Variants in ATP8B4 observed in about 807,000 individuals in gnomAD.
The protein encoded by ATP8B4 is ATPase phospholipid transporting 8B4 (putative).
In ATP8B4, 133 loss-of-function variants were observed where a neutral mutation model predicts 145.6. The ratio of observed to expected loss-of-function variants is 0.91; its 90% CI spans 0.79 to 1.05. The LOEUF is 1.05. Ranked by LOEUF, ATP8B4 falls within the 50% of genes least tolerant of loss-of-function variation. ATP8B4 has a pLI of 0.00. For missense variants in ATP8B4, 1,458 were observed against 1,425.2 expected (o/e 1.02, Z -0.37); for synonymous variants, 507 against 492.9 (o/e 1.03, Z -0.38).
At chr15:50,134,925 C>T (rs1185514459) in intron 1 of ATP8B4, among the ~76,000 whole-genome samples, 1 of 143,466 alleles carries the variant, frequency 7.0e-6, no homozygotes, top group Admixed American at 7.0e-5. Context: ...AAGTAGAGAA[C>T]ATTTCAAGCT....
intron 20 of ATP8B4, among the ~76,000 whole-genome samples, chr15:49,916,283 C>A (rs983535360): frequency 6.6e-6 from 1 of 152,092 alleles, no homozygotes; most frequent in Non-Finnish European, 1.5e-5. Flanking sequence ...TAATGTCTGT[C>A]CACTGCTACC....
intron 8 of ATP8B4, among the ~76,000 whole-genome samples, chr15:50,001,023 T>C (rs944484762): frequency 1.3e-5 from 2 of 152,062 alleles, no homozygotes; most frequent in African/African-American, 4.8e-5. Context: ...CAAATTTCCA[T>C]GGTTCATGCA....
In ATP8B4 at chr15:49,970,398, T is replaced by C. The variant is rs569400051; in HGVS notation, c.1243+2184A>G. 1.6e-4 allele frequency among the ~76,000 whole-genome samples: 24 copies of C among 152,284 alleles called. No homozygotes were observed. The South Asian group carries it at 4.6e-3, about 29-fold the overall frequency. On this transcript the variant is annotated intron_variant, in intron 13 of 27. Coordinates refer to ENST00000284509, the MANE Select transcript of ATP8B4 (RefSeq NM_024837.4). The stretch of plus-strand genomic sequence containing the variant: ...CCATCGTCTCAGCCTCAAATCCCCT[T>C]AAGCTGATAAGCAACTTCAGCAAAG...
chr15:49,985,905 C>T lies in ATP8B4; in HGVS notation c.748+1486G>A, dbSNP rs577536194. Reference sequence around the variant, plus strand: ...TACAGCAGAAAAAAAGTAAAGCTTCCGAAGTTTAAGTAACCAAAGCTTACA... The same window carrying T: ...TACAGCAGAAAAAAAGTAAAGCTTCTGAAGTTTAAGTAACCAAAGCTTACA... On this transcript the variant is annotated intron_variant, in intron 10 of 27. Coordinates refer to ENST00000284509, the MANE Select transcript of ATP8B4 (RefSeq NM_024837.4). Among the ~76,000 whole-genome samples the T allele has an allele frequency of 3.8e-4, 58 of 151,976 alleles. 1 individual carries two copies. The South Asian group carries it at 0.01, about 27-fold the overall frequency.
At chr15:50,155,669 T>G (rs1190035235) in intron 1 of ATP8B4, among the ~76,000 whole-genome samples, 1 of 152,140 alleles carries the variant, frequency 6.6e-6, no homozygotes, top group Non-Finnish European at 1.5e-5. Flanking sequence ...TTTTACCATG[T>G]AGACACAACA....
At chr15:50,026,677 C>T (rs1035809386) in intron 6 of ATP8B4, among the ~76,000 whole-genome samples, 5 of 152,178 alleles carry the variant, frequency 3.3e-5, no homozygotes, top group African/African-American at 9.7e-5. Context: ...AAACTCAAGT[C>T]CTTGGTCCTC....
chr15:50,130,170 G>A (rs2057336431), intron 1 of ATP8B4, among the ~76,000 whole-genome samples: 1 of 152,020 alleles, frequency 6.6e-6, no homozygotes, highest in Non-Finnish European at 1.5e-5. Context: ...CATCTTTCAG[G>A]TCTTAACTGC....
chr15:49,936,984 G>T (rs1005337736), intron 14 of ATP8B4, among the ~76,000 whole-genome samples: 1 of 151,266 alleles, frequency 6.6e-6, no homozygotes, highest in African/African-American at 2.4e-5. Flanking sequence ...AGAGCATCTT[G>T]TTCTTGTTTC....
chr15:50,037,877 A>G (rs1338303295), intron 6 of ATP8B4, among the ~76,000 whole-genome samples: 1 of 152,242 alleles, frequency 6.6e-6, no homozygotes, highest in Non-Finnish European at 1.5e-5. Context: ...TCAATATTTT[A>G]GTTATAGAGA....
At chr15:49,964,767 C>T (rs2044376949) in intron 13 of ATP8B4, among the ~76,000 whole-genome samples, 2 of 152,064 alleles carry the variant, frequency 1.3e-5, no homozygotes, top group South Asian at 4.2e-4. Flanking sequence ...AGAGCCTTCT[C>T]CAAAAATAGG....
At chr15:49,899,778 A>G (rs1210943994) in intron 21 of ATP8B4, among the ~76,000 whole-genome samples, 1 of 152,160 alleles carries the variant, frequency 6.6e-6, no homozygotes, top group Non-Finnish European at 1.5e-5. Context: ...AGAAAGAAAA[A>G]GCTTTCTGAC....
rs202128343 is a variant in ATP8B4, at chr15:49,973,932, C to T, written c.1035-1142G>A. 1.3e-4 allele frequency among the ~76,000 whole-genome samples: 20 copies of T among 152,204 alleles called. 1 individual carries two copies. In the East Asian group the frequency reaches 3.7e-3, roughly 28 times the overall value. Reference sequence around the variant, plus strand: ...ATTTTATTGGCCAGTGACATTTCTTCTTGGAACTATCTAATTGTATCTGCC... The same window carrying T: ...ATTTTATTGGCCAGTGACATTTCTTTTTGGAACTATCTAATTGTATCTGCC... On this transcript the variant is annotated intron_variant, in intron 12 of 27. Transcript: ENST00000284509.
At chr15:50,173,098 G>A (rs1461488191) in intron 1 of ATP8B4, among the ~76,000 whole-genome samples, 11 of 142,022 alleles carry the variant, frequency 7.7e-5, no homozygotes, top group South Asian at 4.6e-4. Flanking sequence ...CCGCCCAGCC[G>A]CCGCCCCGTC....
chr15:50,112,594 G>C (rs2153672564), intron 1 of ATP8B4, among the ~76,000 whole-genome samples: 1 of 152,104 alleles, frequency 6.6e-6, no homozygotes. Context: ...TTTTAGAATA[G>C]CAAGGTTCAA....
chr15:49,994,593 T>C (rs1414914587), intron 9 of ATP8B4, among the ~76,000 whole-genome samples: 5 of 151,834 alleles, frequency 3.3e-5, no homozygotes, highest in African/African-American at 1.2e-4. Flanking sequence ...AAATGAATTA[T>C]CCAGTATGCC....
chr15:50,031,487 C>G (rs2050438754), intron 6 of ATP8B4, among the ~76,000 whole-genome samples: 1 of 152,102 alleles, frequency 6.6e-6, no homozygotes, highest in Non-Finnish European at 1.5e-5. Flanking sequence ...TCAACAAGAT[C>G]CCACTCTCCC....
chr15:50,109,575 T>G (rs1291686528), intron 1 of ATP8B4, among the ~76,000 whole-genome samples: 1 of 151,862 alleles, frequency 6.6e-6, no homozygotes, highest in Admixed American at 6.6e-5. Flanking sequence ...TAAGTCAACA[T>G]GTTCTGTGTT....
At chr15:50,026,502 T>C (rs2050016870) in intron 6 of ATP8B4, among the ~76,000 whole-genome samples, 1 of 152,216 alleles carries the variant, frequency 6.6e-6, no homozygotes, top group Non-Finnish European at 1.5e-5. Flanking sequence ...GTGATGCTTG[T>C]GGAGGCTCCT....
At chr15:49,891,248 T>C (rs2036759721) in intron 23 of ATP8B4, among the ~76,000 whole-genome samples, 1 of 151,698 alleles carries the variant, frequency 6.6e-6, no homozygotes, top group African/African-American at 2.4e-5. Flanking sequence ...TCCCAGATCC[T>C]CCTAAGTCAT....
Sources: gnomAD v4.1 joint callset for allele counts (sites outside exome capture counted in the v4.1 genomes callset) on GRCh38, gnomAD v4.1.1 for gene constraint, MANE v1.5 for transcripts, NCBI Gene and HGNC (gene_info 2026-07-23, HGNC 2026-07-21) for gene names.